Variants in DSCAML1 observed in about 807,000 individuals in gnomAD.
DSCAML1 encodes cell adhesion molecule DSCAML1.
In DSCAML1, 38 loss-of-function variants were observed where a neutral mutation model predicts 200.5. The ratio of observed to expected loss-of-function variants is 0.19; its 90% confidence interval spans 0.15 to 0.25. The LOEUF (loss-of-function observed/expected upper bound fraction) is 0.25, where lower values mean the gene tolerates loss of function less well. DSCAML1 is among the 10% of genes least tolerant of loss of function. The probability of loss-of-function intolerance (pLI) is 1.00; values close to 1 mark genes in which losing one functional copy is unlikely to be tolerated. For missense variants in DSCAML1, 2,223 were observed against 2,858.8 expected (o/e 0.78, Z 5.07); for synonymous variants, 1,215 against 1,165.0 (o/e 1.04, Z -0.87).
chr11:117,448,549 G>A (rs1372039258), intron 20 of DSCAML1, among the ~76,000 whole-genome samples: 2 of 150,678 alleles, frequency 1.3e-5, no homozygotes, highest in Non-Finnish European at 2.9e-5. Flanking sequence ...AAGCCGCGGG[G>A]CAAAGGTGTG....
chr11:117,625,986 G>C (rs551830788), intron 3 of DSCAML1, among the ~76,000 whole-genome samples: 1 of 152,342 alleles, frequency 6.6e-6, no homozygotes, highest in East Asian at 1.9e-4. Context: ...TCTGGACATC[G>C]GTGGAGGAGG....
intron 16 of DSCAML1, among the ~76,000 whole-genome samples, chr11:117,467,219 A>C: frequency 1.1e-5 from 1 of 91,138 alleles, no homozygotes; most frequent in Non-Finnish European, 1.9e-5. Context: ...CGCCGCCAAT[A>C]TATCCATTCA....
chr11:117,526,874 A>C (rs572619109), intron 4 of DSCAML1, among the ~76,000 whole-genome samples: 1 of 152,084 alleles, frequency 6.6e-6, no homozygotes, highest in East Asian at 1.9e-4. Context: ...ATAGTAGCTC[A>C]TGCCTGTAAT....
chr11:117,479,229 C>A (rs1319307046), intron 14 of DSCAML1, among the ~76,000 whole-genome samples: 1 of 152,226 alleles, frequency 6.6e-6, no homozygotes, highest in Non-Finnish European at 1.5e-5. Context: ...GAAGAAGGGT[C>A]TGGAAGCTTC....
chr11:117,516,689 C>T lies in DSCAML1; in HGVS notation c.1561G>A (p.Asp521Asn), dbSNP rs866491330. The T allele has an allele frequency of 2.5e-6, 4 of 1,614,000 alleles. No homozygotes were observed. Among genetic ancestry groups the T allele is most frequent in the Non-Finnish European group, 3.4e-6 (4 of 1,179,994 alleles). The change falls in exon 8 of 33, where the codon GAC (aspartate) becomes AAC (asparagine). Residue 521 changes from aspartate (D) to asparagine (N), a missense_variant. Physicochemically the swap from Asp to Asn is conservative, Grantham distance 23. Transcript: ENST00000651296. This position sits in a 1 kb window ranked among gnomAD's most constrained non-coding sequence, Gnocchi z 5.7. ...ATGACCCTGCAGTTGATAAGGGTGT[C>T]CCGCCCGGCGACTGCTGTGATGTTC... Reference protein sequence around the residue: ...MRNITAVAGRDTLINCRVIGY... With the variant: ...MRNITAVAGRNTLINCRVIGY...
At chr11:117,436,782 G>A (rs548953628) in intron 26 of DSCAML1, among the ~76,000 whole-genome samples, 1 of 152,238 alleles carries the variant, frequency 6.6e-6, no homozygotes, top group African/African-American at 2.4e-5. Context: ...AGTTCTTAGA[G>A]GTCAGGACCT....
At chr11:117,537,376 C>G (rs760501726) in intron 3 of DSCAML1, among the ~76,000 whole-genome samples, 1 of 152,132 alleles carries the variant, frequency 6.6e-6, no homozygotes, top group Non-Finnish European at 1.5e-5. Flanking sequence ...GCCGTCAGTG[C>G]TGGGGTACTG....
intron 3 of DSCAML1, among the ~76,000 whole-genome samples, chr11:117,606,491 C>A (rs2051568919): frequency 1.3e-5 from 2 of 152,186 alleles, no homozygotes; most frequent in East Asian, 3.8e-4. Flanking sequence ...TGTAGTTATA[C>A]CCTTAAATAA....
chr11:117,781,206 G>A (rs867119919), intron 1 of DSCAML1, among the ~76,000 whole-genome samples: 3 of 150,992 alleles, frequency 2.0e-5, no homozygotes, highest in Admixed American at 6.6e-5. Context: ...CAGGAGAATC[G>A]CTTGAACCTG....
At chr11:117,610,847 C>A (rs111317075) in intron 3 of DSCAML1, among the ~76,000 whole-genome samples, 13,706 of 147,634 alleles carry the variant, frequency 0.093, 995 homozygotes, top group African/African-American at 0.11. Context: ...ACAACCCCCC[C>A]CCCCCACAAT....
chr11:117,566,809 A>C, intron 3 of DSCAML1, among the ~76,000 whole-genome samples: 1 of 148,056 alleles, frequency 6.8e-6, no homozygotes, highest in Admixed American at 6.9e-5. Flanking sequence ...ATTCCCACCT[A>C]TGAGTGAGAA....
At chr11:117,718,662 C>A (rs892732079) in intron 3 of DSCAML1, among the ~76,000 whole-genome samples, 1 of 67,262 alleles carries the variant, frequency 1.5e-5, no homozygotes, top group African/African-American at 5.7e-5. Flanking sequence ...AAGATGAATA[C>A]TCAAAACCCC....
Position 117,484,123 on chromosome 11 carries a change from T to C in DSCAML1, c.2360-1961A>G, listed in dbSNP as rs563995189. ...TCCTTCCTTCCGGGTATTCTCAGGG[T>C]TTTTCTCTCTCCTAGTTTTAAAGGC... On this transcript the variant is annotated intron_variant, in intron 11 of 32. Coordinates refer to ENST00000651296, the MANE Select transcript of DSCAML1 (RefSeq NM_020693.4). 2.5e-4 allele frequency among the ~76,000 whole-genome samples: 35 copies of C among 142,076 alleles called. 2 individuals carry two copies. The highest frequency in any genetic ancestry group is 8.2e-4 in the Admixed American group (11 of 13,412). 93.2% of individuals were successfully genotyped at this position (142,076 alleles called of 152,430 possible).
At chr11:117,566,569 TTTTA>T (rs766938997) in intron 3 of DSCAML1, among the ~76,000 whole-genome samples, 54 of 151,644 alleles carry the variant, frequency 3.6e-4, no homozygotes, top group East Asian at 1.5e-3. Flanking sequence ...TTTTTGTTTG[TTTTA>T]TTTATTTATT....
intron 1 of DSCAML1, among the ~76,000 whole-genome samples, chr11:117,816,914 G>A (rs1471601158): frequency 1.3e-5 from 2 of 152,136 alleles, no homozygotes; most frequent in African/African-American, 4.8e-5. Flanking sequence ...GCTAGCGATC[G>A]GCCTGTCTGA....
chr11:117,477,462 ATTTC>A (rs761111414), intron 14 of DSCAML1, among the ~76,000 whole-genome samples: 64 of 150,200 alleles, frequency 4.3e-4, no homozygotes, highest in Non-Finnish European at 8.7e-4. Context: ...TCTGTCTCCT[ATTTC>A]TTTTTCTTCC....
rs191373130 is a variant in DSCAML1 at position 117,651,670 on chromosome 11, C to A, written c.512-119148G>T. Among the ~76,000 whole-genome samples the A allele has an allele frequency of 7.6e-4, 105 of 138,298 alleles. 1 individual carries two copies. Among genetic ancestry groups the A allele is most frequent in the Middle Eastern group, 4.2e-3 (1 of 236 alleles). The allele number at this position is 138,298 out of a possible 152,430, so 90.7% of individuals were successfully genotyped here. A position where few individuals can be genotyped will look rare whatever the true frequency, so the allele number is the denominator to read the frequency against. On this transcript the variant is annotated intron_variant, in intron 3 of 32. Transcript: ENST00000651296. ...GAGCTTGCAGTGAGCCGAGATCTTG[C>A]CAGCGTACTCCAGCCTGGGCGACAG...
At chr11:117,761,204 A>G (rs953375861) in intron 3 of DSCAML1, among the ~76,000 whole-genome samples, 3 of 152,228 alleles carry the variant, frequency 2.0e-5, no homozygotes, top group African/African-American at 7.2e-5. Flanking sequence ...GAGGTCTCAC[A>G]CTTGGACACC....
At chr11:117,746,993 C>T (rs575238099) in intron 3 of DSCAML1, among the ~76,000 whole-genome samples, 2 of 152,292 alleles carry the variant, frequency 1.3e-5, no homozygotes, top group South Asian at 2.1e-4. Context: ...AGCGGCTCCC[C>T]GAGAGCCCTC....
Sources: gnomAD v4.1 joint callset for allele counts (sites outside exome capture counted in the v4.1 genomes callset) on GRCh38, gnomAD v4.1.1 for gene constraint, Gnocchi (gnomAD v3.1) non-coding constraint, MANE v1.5 for transcripts, NCBI Gene and HGNC (gene_info 2026-07-23, HGNC 2026-07-21) for gene names.